Variants in TEDC1 observed in about 807,000 individuals in gnomAD.
TEDC1 encodes tubulin epsilon and delta complex 1.
A neutral mutation model predicts 59.9 loss-of-function variants in TEDC1; 54 were observed. The observed-to-expected ratio is 0.90, with a 90% CI of 0.72 to 1.13. TEDC1 has a LOEUF of 1.13. Among genes scored for constraint, TEDC1 ranks in the 50% most tolerant of loss-of-function variants. The pLI is 0.00. For missense variants in TEDC1, 734 were observed against 683.4 expected (o/e 1.07, Z -0.83); for synonymous variants, 353 against 298.1 (o/e 1.18, Z -1.90).
chr14:105,494,261 T>G, intron 5 of TEDC1: 1 of 374,218 alleles, frequency 2.7e-6, no homozygotes, highest in African/African-American at 2.1e-5. Flanking sequence ...AGGTGTGAGC[T>G]GGTGGTGTTG....
In TEDC1 at chr14:105,497,460, A is replaced by T; in HGVS notation, c.978+17A>T. ...CGGTGGATGGTGAGGAAGCCCGCGCATCCCTCTCCCGGCATCCCTTCCCAC... is the reference window on the plus strand; with the variant it reads ...CGGTGGATGGTGAGGAAGCCCGCGCTTCCCTCTCCCGGCATCCCTTCCCAC... On this transcript the variant is annotated intron_variant, in intron 7 of 8. Transcript: ENST00000392523. 6.5e-7 allele frequency: 1 copy of T among 1,541,554 alleles called. No homozygotes were observed. Among genetic ancestry groups the T allele is most frequent in the Non-Finnish European group, 8.7e-7 (1 of 1,146,448 alleles).
intron 6 of TEDC1, 63 bp downstream of exon 6, chr14:105,496,149 T>TGGGGGGGGGGGGGGCCCCCCCCCGGG: frequency 1.2e-5 from 1 of 81,278 alleles, no homozygotes; most frequent in Non-Finnish European, 2.2e-5. Flanking sequence ...TGGGAGGGGG[T>TGGGGGGGGGGGGGGCCCCCCCCCGGG]GGCGAGGGGG....
upstream of TEDC1, chr14:105,491,158 C>T (rs782012921): frequency 3.9e-6 from 6 of 1,550,382 alleles, no homozygotes; most frequent in African/African-American, 4.1e-5. Context: ...TGATTGGGTA[C>T]AGGTCTCGGC....
chr14:105,491,289 G>A lies in TEDC1; in HGVS notation c.-87G>A, dbSNP rs1555439179. 3 of 1,511,242 alleles carry A rather than the reference G, an allele frequency of 2.0e-6. No homozygotes were observed. In the East Asian group the frequency reaches 7.4e-5, roughly 37 times the overall value. 93.6% of individuals were successfully genotyped at this position (1,511,242 alleles called of 1,614,324 possible). A position where few individuals can be genotyped will look rare whatever the true frequency, so the allele number is the denominator to read the frequency against. ...TAACTGGGCGCAGGTCCCAGCCGCCGCACTAAACCCGGCCCGTGCGGTGAT... is the reference window on the plus strand; with the variant it reads ...TAACTGGGCGCAGGTCCCAGCCGCCACACTAAACCCGGCCCGTGCGGTGAT... On this transcript the variant is annotated 5_prime_UTR_variant, in exon 1 of 9. Coordinates refer to ENST00000392523, the MANE Select transcript of TEDC1 (RefSeq NM_001367178.1).
Position 105,492,589 on chromosome 14 carries a change from T to A in TEDC1, c.440T>A (p.Leu147Gln). Reference protein sequence around the residue: ...DEMTVCQCEALASPGPPAPHM... With the variant: ...DEMTVCQCEAQASPGPPAPHM... Reference sequence around the variant, plus strand: ...CTTGCCCCTCTCCAGTGTGAGGCCCTGGCCAGCCCTGGCCCACCTGCACCC... The same window carrying A: ...CTTGCCCCTCTCCAGTGTGAGGCCCAGGCCAGCCCTGGCCCACCTGCACCC... The change falls in exon 4 of 9, where the codon CTG becomes CAG. Residue 147 changes from leucine (L) to glutamine (Q), a missense_variant. By Grantham distance (113) the Leu-to-Gln change is moderately radical. Transcript: ENST00000392523. 1 of 1,539,190 alleles carries A rather than the reference T, an allele frequency of 6.5e-7. No individual in the cohort carries two copies. Among genetic ancestry groups the A allele is most frequent in the Non-Finnish European group, 8.7e-7 (1 of 1,146,754 alleles).
intron 5 of TEDC1, 130 bp from the exon 6 acceptor site, chr14:105,495,750 G>A: frequency 3.9e-6 from 3 of 769,550 alleles, no homozygotes; most frequent in South Asian, 3.7e-5. Context: ...GGCTGCTCCT[G>A]CCCAGTGCCT....
At chr14:105,492,432 ACCCAGCTG>A (rs2084237362) in intron 3 of TEDC1, 123 bp downstream of exon 3, 2 of 1,494,380 alleles carry the variant, frequency 1.3e-6, no homozygotes, top group Admixed American at 1.9e-5. Flanking sequence ...ATGAAGGGTT[ACCCAGCTG>A]CCCAGCTGAA....
chr14:105,492,719 C>T lies in TEDC1; in HGVS notation c.570C>T (p.Cys190=), dbSNP rs587718178. 1.1e-4 allele frequency: 163 copies of T among 1,543,044 alleles called. No homozygotes were observed. Among genetic ancestry groups the T allele is most frequent in the Middle Eastern group, 5.1e-4 (3 of 5,934 alleles). ...TGGTGTCCAGTCAGCAGGAGCAGTG[C>T]GCCCTCCTGAGCAAGGTAGAGCTGG... The part of the protein sequence containing the change: ...RQLVSSQQEQ[C]ALLSKIHLYT... The change falls in exon 4 of 9, where the codon TGC becomes TGT. Residue 190 remains cysteine, a synonymous_variant. Coordinates refer to ENST00000392523, the MANE Select transcript of TEDC1 (RefSeq NM_001367178.1).
At chr14:105,495,792 G>A in intron 5 of TEDC1, 88 bp from the exon 6 acceptor site, 1 of 1,092,616 alleles carries the variant, frequency 9.2e-7, no homozygotes, top group Non-Finnish European at 1.3e-6. Flanking sequence ...TGGGCTGGGG[G>A]GGCCTGGAAG....
In TEDC1 at chr14:105,493,845, A is replaced by G. The variant is rs148446003; in HGVS notation, c.596A>G (p.Tyr199Cys). 248 of 1,606,522 alleles carry G rather than the reference A, an allele frequency of 1.5e-4. No individual in the cohort carries two copies. In the African/African-American group the frequency reaches 2.7e-3, roughly 18 times the overall value. The stretch of plus-strand genomic sequence containing the variant: ...CACTACCTGTTTTAGATCCACCTGT[A>G]CACACGCGGCTGCCACAGCGACCAG... ...QCALLSKIHL[Y>C]TRGCHSDQSL... Residue 199 changes from tyrosine (Y) to cysteine (C), a missense_variant, in exon 5 of 9, where the codon TAC (tyrosine) becomes TGC (cysteine). Tyr to Cys is a radical substitution (Grantham distance 194). Coordinates refer to ENST00000392523, the MANE Select transcript of TEDC1 (RefSeq NM_001367178.1).
At chr14:105,490,292 G>A (rs1394065485), upstream of TEDC1, 2 of 152,398 alleles carry the variant, frequency 1.3e-5, no homozygotes, top group African/African-American at 4.8e-5. Context: ...AGCCAGGGCT[G>A]GGGGTCCAGG....
intron 6 of TEDC1, chr14:105,497,061 G>A: frequency 2.0e-6 from 1 of 508,472 alleles, no homozygotes; most frequent in South Asian, 2.4e-5. Flanking sequence ...GGGGACAGCG[G>A]ATGTCCTCAG....
intron 4 of TEDC1, among the ~76,000 whole-genome samples, chr14:105,493,216 G>A (rs1467826586): frequency 6.6e-6 from 1 of 152,110 alleles, no homozygotes; most frequent in Non-Finnish European, 1.5e-5. Context: ...TCCACTGTGA[G>A]GCCAGCGCTG....
Position 105,491,699 on chromosome 14 carries a change from G to A in TEDC1, c.225G>A (p.Leu75=). 1 of 1,548,140 alleles carries A rather than the reference G, an allele frequency of 6.5e-7. No homozygotes were observed. The highest frequency in any genetic ancestry group is 1.4e-5 in the African/African-American group (1 of 73,166). The stretch of plus-strand genomic sequence containing the variant: ...GCAACGCCTTGGCATCGCTCGCCCT[G>A]GGTAAGCCCCGCTCCTGGCCCCGCC... ...PAGNALASLA[L]EVQARLVKSA... is the part of the protein sequence containing the mutation. The change falls in exon 2 of 9, where the codon CTG becomes CTA. Residue 75 remains leucine, a splice_region_variant and synonymous_variant. Transcript: ENST00000392523.
At chr14:105,495,659 G>A (rs2084327535) in intron 5 of TEDC1, 1 of 561,396 alleles carries the variant, frequency 1.8e-6, no homozygotes, top group Non-Finnish European at 3.2e-6. Flanking sequence ...TACCTGCCTT[G>A]TAGAGGCGGC....
intron 7 of TEDC1, 69 bp from the exon 8 acceptor site, chr14:105,497,729 T>C (rs1329674691): frequency 6.9e-7 from 1 of 1,456,790 alleles, no homozygotes; most frequent in Non-Finnish European, 9.1e-7. Flanking sequence ...GGACTACCAC[T>C]GCCCTCTTTG....
At chr14:105,493,811 T>TG in intron 4 of TEDC1, 24 bp from the exon 5 acceptor site, 1 of 1,573,842 alleles carries the variant, frequency 6.4e-7, no homozygotes, top group East Asian at 2.2e-5. Context: ...CCACTCAGCC[T>TG]GGGGTCTGCA....
chr14:105,490,944 G>T (rs1048014022), upstream of TEDC1: 21 of 1,283,272 alleles, frequency 1.6e-5, no homozygotes, highest in Non-Finnish European at 2.1e-5. Flanking sequence ...GATTGAGCCT[G>T]CAAGGGCGGA....
intron 5 of TEDC1, chr14:105,495,210 C>A (rs1195509893): frequency 1.3e-5 from 2 of 154,454 alleles, no homozygotes; most frequent in South Asian, 4.0e-4. Flanking sequence ...CTGGCACTGT[C>A]CTGCTCCAGG....
Sources: gnomAD v4.1 joint callset for allele counts (sites outside exome capture counted in the v4.1 genomes callset) on GRCh38, gnomAD v4.1.1 for gene constraint, MANE v1.5 for transcripts, NCBI Gene and HGNC (gene_info 2026-07-23, HGNC 2026-07-21) for gene names.